SHISA9: variants seen among roughly 807,000 people sequenced by gnomAD.
The protein encoded by SHISA9 is protein shisa-9.
A neutral mutation model predicts 38.0 loss-of-function variants in SHISA9; 13 were observed. That is an observed-to-expected ratio of 0.34 (90% CI 0.22 to 0.54). The LOEUF (loss-of-function observed/expected upper bound fraction) is 0.54, where lower values mean the gene tolerates loss of function less well. Ranked by LOEUF, SHISA9 falls within the 20% of genes least tolerant of loss-of-function variation. The pLI is 0.91. For synonymous variants in SHISA9, 275 were observed against 242.0 expected, an observed-to-expected ratio of 1.14 and a Z score of -1.27; for missense variants, 538 against 575.8, an observed-to-expected ratio of 0.93 and a Z score of 0.67.
At chr16:13,309,642 CAAAAA>C in the SHISA9 span, among the ~76,000 whole-genome samples, 1 of 65,880 alleles carries the variant, frequency 1.5e-5, no homozygotes. Flanking sequence ...GACTCAGTCT[CAAAAA>C]AAAAAAAAAA....
chr16:12,975,481 C>T lies in SHISA9; in HGVS notation c.691+58666C>T, dbSNP rs75245061. On this transcript the variant is annotated intron_variant, in intron 2 of 4. Coordinates refer to ENST00000558583, the MANE Select transcript of SHISA9 (RefSeq NM_001145204.3). Reference sequence around the variant, plus strand: ...TTGCGCCACTGCACTCCAGCCCGGGCAACAGAGTGAGACTCCATAAAAAGA... The same window carrying T: ...TTGCGCCACTGCACTCCAGCCCGGGTAACAGAGTGAGACTCCATAAAAAGA... Among the ~76,000 whole-genome samples, 15 of 152,034 alleles carry T rather than the reference C, an allele frequency of 9.9e-5. No homozygotes were observed. In the East Asian group the frequency reaches 2.7e-3, roughly 27 times the overall value.
At chr16:13,109,747 A>T (rs1438036304) in intron 2 of SHISA9, among the ~76,000 whole-genome samples, 2 of 152,128 alleles carry the variant, frequency 1.3e-5, no homozygotes, top group Non-Finnish European at 2.9e-5. Flanking sequence ...TGGACATTAC[A>T]TGTGAATGGA....
chr16:13,304,761 C>T, the SHISA9 span, among the ~76,000 whole-genome samples: 1 of 152,158 alleles, frequency 6.6e-6, no homozygotes, highest in Admixed American at 6.5e-5. Context: ...TGAGGTTAAG[C>T]AACACACCCA....
chr16:13,256,559 C>T, the SHISA9 span, among the ~76,000 whole-genome samples: 2 of 152,182 alleles, frequency 1.3e-5, no homozygotes, highest in South Asian at 2.1e-4. Context: ...GGATTACAGG[C>T]GTGAGCCACT....
chr16:13,340,784 G>C, the SHISA9 span, among the ~76,000 whole-genome samples: 2 of 152,116 alleles, frequency 1.3e-5, no homozygotes, highest in Non-Finnish European at 2.9e-5. Flanking sequence ...ACTGGACTTT[G>C]TTGCCCCTTG....
intron 4 of SHISA9, among the ~76,000 whole-genome samples, chr16:13,222,815 T>C (rs921621845): frequency 3.0e-4 from 21 of 70,928 alleles, no homozygotes; most frequent in African/African-American, 1.3e-3. Flanking sequence ...TATATATACA[T>C]ACACACACCA....
chr16:13,376,542 G>A, the SHISA9 span, among the ~76,000 whole-genome samples: 2 of 152,172 alleles, frequency 1.3e-5, no homozygotes, highest in Admixed American at 6.5e-5. Context: ...GAGTCCAAGA[G>A]AAAGTAAAGT....
chr16:13,078,176 C>T (rs925386808), intron 2 of SHISA9, among the ~76,000 whole-genome samples: 3 of 152,094 alleles, frequency 2.0e-5, no homozygotes, highest in African/African-American at 4.8e-5. Flanking sequence ...TCTTAGTATC[C>T]GCAGGGGATT....
chr16:13,150,729 G>A (rs2050492039), intron 2 of SHISA9, among the ~76,000 whole-genome samples: 1 of 152,168 alleles, frequency 6.6e-6, no homozygotes, highest in South Asian at 2.1e-4. Context: ...ACCCCTGCAA[G>A]CAGTAATGGT....
At position 13,022,415 on chromosome 16, in the gene SHISA9, T is replaced by A. The variant is rs560837063; in HGVS notation, c.691+105600T>A. ...GGCACGGTCTTGGCTCACTGCAACCTCTGCCTCCCGGGTTCACGCGATTCT... is the reference window on the plus strand; with the variant it reads ...GGCACGGTCTTGGCTCACTGCAACCACTGCCTCCCGGGTTCACGCGATTCT... On this transcript the variant is annotated intron_variant, in intron 2 of 4. Transcript: ENST00000558583. 2.0e-4 allele frequency among the ~76,000 whole-genome samples: 31 copies of A among 152,140 alleles called. No homozygotes were observed. In the Middle Eastern group the frequency reaches 0.014, roughly 67 times the overall value.
At chr16:13,457,060 A>C in the SHISA9 span, among the ~76,000 whole-genome samples, 1 of 152,344 alleles carries the variant, frequency 6.6e-6, no homozygotes, top group East Asian at 1.9e-4. Flanking sequence ...TAATCCCAGC[A>C]CTTTGGGAGG....
chr16:13,511,555 T>C, the SHISA9 span, among the ~76,000 whole-genome samples: 2 of 152,146 alleles, frequency 1.3e-5, no homozygotes, highest in Admixed American at 6.5e-5. Context: ...TTTCCAATAT[T>C]GGACATCAGG....
the SHISA9 span, among the ~76,000 whole-genome samples, chr16:13,384,174 A>G: frequency 6.6e-6 from 1 of 152,146 alleles, no homozygotes; most frequent in South Asian, 2.1e-4. Context: ...CTCTGTTCAT[A>G]GGCAAATAAT....
At chr16:12,988,858 A>T (rs1036537779) in intron 2 of SHISA9, among the ~76,000 whole-genome samples, 23 of 152,198 alleles carry the variant, frequency 1.5e-4, no homozygotes, top group African/African-American at 4.8e-4. Flanking sequence ...TAAAAAATTT[A>T]AAAAAAGGAG....
At chr16:13,061,183 C>A (rs1335169576) in intron 2 of SHISA9, among the ~76,000 whole-genome samples, 1 of 152,164 alleles carries the variant, frequency 6.6e-6, no homozygotes, top group Non-Finnish European at 1.5e-5. Context: ...GGGCCTGATA[C>A]GGCTACAGGC....
intron 4 of SHISA9, among the ~76,000 whole-genome samples, chr16:13,226,620 C>T (rs531551422): frequency 6.6e-6 from 1 of 152,302 alleles, no homozygotes; most frequent in African/African-American, 2.4e-5. Context: ...CTGAGCATAG[C>T]AACCATTTAT....
At chr16:13,271,513 C>G in the SHISA9 span, among the ~76,000 whole-genome samples, 2 of 152,072 alleles carry the variant, frequency 1.3e-5, no homozygotes, top group African/African-American at 4.8e-5. Context: ...AAGGAGTTGA[C>G]AAAACATTCT....
At chr16:13,247,562 C>G in the SHISA9 span, among the ~76,000 whole-genome samples, 1 of 152,040 alleles carries the variant, frequency 6.6e-6, no homozygotes, top group African/African-American at 2.4e-5. Flanking sequence ...CTATCTGGAT[C>G]CAGTTACTGT....
At chr16:13,204,212 C>CTATT (rs1432463380) in intron 3 of SHISA9, among the ~76,000 whole-genome samples, 1 of 83,320 alleles carries the variant, frequency 1.2e-5, no homozygotes, top group African/African-American at 3.3e-5. Context: ...GTCTGTCTGT[C>CTATT]TATCTATCTA....
Sources: gnomAD v4.1 joint callset for allele counts (sites outside exome capture counted in the v4.1 genomes callset) on GRCh38, gnomAD v4.1.1 for gene constraint, MANE v1.5 for transcripts, NCBI Gene and HGNC (gene_info 2026-07-23, HGNC 2026-07-21) for gene names.